Variants in SLAMF8 observed in about 807,000 individuals in gnomAD.
The protein encoded by SLAMF8 is B lymphocyte activator macrophage expressed.
A neutral mutation model predicts 29.0 loss-of-function variants in SLAMF8; 23 were observed. That is an observed-to-expected ratio of 0.79 (90% CI 0.57 to 1.13). SLAMF8 has a LOEUF of 1.13. Among genes scored for constraint, SLAMF8 ranks in the 50% most tolerant of loss-of-function variants. The probability of loss-of-function intolerance (pLI) is 0.00; values close to 1 mark genes in which losing one functional copy is unlikely to be tolerated. For synonymous variants in SLAMF8, 139 were observed against 145.6 expected, an observed-to-expected ratio of 0.96 and a Z score of 0.32; for missense variants, 381 against 353.1, an observed-to-expected ratio of 1.08 and a Z score of -0.63.
intron 1 of SLAMF8, among the ~76,000 whole-genome samples, chr1:159,828,210 G>A (rs12058565): frequency 1.3e-5 from 2 of 152,206 alleles, no homozygotes; most frequent in African/African-American, 4.8e-5. Flanking sequence ...TTATTTTTCA[G>A]TGGTACTGAA....
Position 159,835,823 on chromosome 1 carries a change from C to G in SLAMF8, c.*563C>G. The G allele has an allele frequency of 1.0e-6, 1 of 985,524 alleles. No homozygotes were observed. The highest frequency in any genetic ancestry group is 1.2e-6 in the Non-Finnish European group (1 of 830,034). The allele number at this position is 985,524 out of a possible 1,614,324, so 61.0% of individuals were successfully genotyped here. A position where few individuals can be genotyped will look rare whatever the true frequency, so the allele number is the denominator to read the frequency against. Reference sequence around the variant, plus strand: ...ATAGGTGAAAGTGAGAGGTGGGGGACAGGGGTTTCTCTTTCTGGCCTAAGG... The same window carrying G: ...ATAGGTGAAAGTGAGAGGTGGGGGAGAGGGGTTTCTCTTTCTGGCCTAAGG... On this transcript the variant is annotated 3_prime_UTR_variant, in exon 5 of 5. Transcript: ENST00000289707.
Position 159,836,730 on chromosome 1 carries a change from T to A in SLAMF8, c.*1470T>A, listed in dbSNP as rs1259421430. On this transcript the variant is annotated 3_prime_UTR_variant, in exon 5 of 5. Coordinates refer to ENST00000289707, the MANE Select transcript of SLAMF8 (RefSeq NM_020125.3). Reference sequence around the variant, plus strand: ...AGCACAGCTGGCCTCCAGATCCACATCACCACTCTTCCACTCGATTGTTCC... The same window carrying A: ...AGCACAGCTGGCCTCCAGATCCACAACACCACTCTTCCACTCGATTGTTCC... The A allele has an allele frequency of 3.0e-6, 3 of 985,462 alleles. No homozygotes were observed. The African/African-American group carries it at 5.2e-5, about 17-fold the overall frequency. The allele number at this position is 985,462 out of a possible 1,614,324, so 61.0% of individuals were successfully genotyped here.
rs1647980258 is a variant in SLAMF8 at position 159,836,878 on chromosome 1, G to T, written c.*1618G>T. 4 of 985,410 alleles carry T rather than the reference G, an allele frequency of 4.1e-6. No individual in the cohort carries two copies. The highest frequency in any genetic ancestry group is 5.2e-4 in the Middle Eastern group (1 of 1,914). The allele number at this position is 985,410 out of a possible 1,614,324, so 61.0% of individuals were successfully genotyped here. The stretch of plus-strand genomic sequence containing the variant: ...CTTCCCCCAAGATTACCTGAACAGG[G>T]TCCATGGCCACTCAACCTGTCAGCT... On this transcript the variant is annotated 3_prime_UTR_variant, in exon 5 of 5. Transcript: ENST00000289707.
intron 2 of SLAMF8, among the ~76,000 whole-genome samples, chr1:159,830,605 T>C (rs185447450): frequency 3.8e-4 from 58 of 152,304 alleles, no homozygotes; most frequent in Non-Finnish European, 5.7e-4. Context: ...AGGATCATCA[T>C]AGACTATAAG....
chr1:159,829,492 C>A (rs1647314845), intron 1 of SLAMF8, among the ~76,000 whole-genome samples: 1 of 152,206 alleles, frequency 6.6e-6, no homozygotes, highest in African/African-American at 2.4e-5. Context: ...CTCGGCTTGG[C>A]CTGGCTGATT....
Position 159,837,025 on chromosome 1 carries a change from T to G in SLAMF8, c.*1765T>G. 1 of 985,454 alleles carries G rather than the reference T, an allele frequency of 1.0e-6. No individual in the cohort carries two copies. The highest frequency in any genetic ancestry group is 1.2e-6 in the Non-Finnish European group (1 of 829,942). 61.0% of individuals were successfully genotyped at this position (985,454 alleles called of 1,614,324 possible). A position where few individuals can be genotyped will look rare whatever the true frequency, so the allele number is the denominator to read the frequency against. ...AAGCCCAGGATCTGACAATGAGCCC[T>G]GGTGGATTTGTGGGGAAAAAATACA... On this transcript the variant is annotated 3_prime_UTR_variant, in exon 5 of 5. Transcript: ENST00000289707.
intron 2 of SLAMF8, among the ~76,000 whole-genome samples, chr1:159,831,781 G>A (rs568412701): frequency 6.6e-6 from 1 of 152,216 alleles, no homozygotes; most frequent in African/African-American, 2.4e-5. Context: ...AGATAAGAAC[G>A]ATTTGAATTA....
Position 159,833,039 on chromosome 1 carries a change from C to T in SLAMF8, c.531C>T (p.His177=). 6.2e-7 allele frequency: 1 copy of T among 1,614,242 alleles called. No individual in the cohort carries two copies. Among genetic ancestry groups the T allele is most frequent in the Non-Finnish European group, 8.5e-7 (1 of 1,180,038 alleles). Residue 177 remains histidine, a synonymous_variant, in exon 3 of 5, where the codon CAC becomes CAT. Transcript: ENST00000289707. ...CCATGGACTTTGGTATGGAACCACACAGCCTCTTCACAGACGGACAGGTGC... is the reference window on the plus strand; with the variant it reads ...CCATGGACTTTGGTATGGAACCACATAGCCTCTTCACAGACGGACAGGTGC... ...ETTMDFGMEP[H]SLFTDGQVLS...
At position 159,837,255 on chromosome 1, in the gene SLAMF8, T is replaced by C. The variant is rs562629124; in HGVS notation, c.*1995T>C. 135 of 985,468 alleles carry C rather than the reference T, an allele frequency of 1.4e-4. 3 individuals carry two copies. In the South Asian group the frequency reaches 5.9e-3, roughly 43 times the overall value. 61.0% of individuals were successfully genotyped at this position (985,468 alleles called of 1,614,324 possible). A position where few individuals can be genotyped will look rare whatever the true frequency, so the allele number is the denominator to read the frequency against. ...AAAGTTCCCATCCTTAATGACTCAC[T>C]TGTCAACTAGTGGACTAATTAACCC... is the stretch of plus-strand genomic sequence containing the variant. On this transcript the variant is annotated 3_prime_UTR_variant, in exon 5 of 5. Coordinates refer to ENST00000289707, the MANE Select transcript of SLAMF8 (RefSeq NM_020125.3).
chr1:159,831,573 CA>C (rs1647490668), intron 2 of SLAMF8, among the ~76,000 whole-genome samples: 1 of 152,064 alleles, frequency 6.6e-6, no homozygotes, highest in African/African-American at 2.4e-5. Flanking sequence ...TCAGCTGCCG[CA>C]CATGTGAAAT....
At chr1:159,830,215 G>C (rs1647396677) in intron 2 of SLAMF8, 23 bp downstream of exon 2, 4 of 1,544,092 alleles carry the variant, frequency 2.6e-6, no homozygotes, top group Non-Finnish European at 3.5e-6. Flanking sequence ...GACACTGGCT[G>C]CCTGGCCCTC....
intron 2 of SLAMF8, 76 bp downstream of exon 2, chr1:159,830,268 C>T: frequency 7.0e-7 from 1 of 1,426,868 alleles, no homozygotes; most frequent in Non-Finnish European, 9.3e-7. Flanking sequence ...GTCATAGCAG[C>T]CAGGGAGAGC....
Position 159,836,421 on chromosome 1 carries a change from T to C in SLAMF8, c.*1161T>C, listed in dbSNP as rs2101805870. The C allele has an allele frequency of 1.0e-6, 1 of 985,448 alleles. No homozygotes were observed. Among genetic ancestry groups the C allele is most frequent in the East Asian group, 1.1e-4 (1 of 8,816 alleles). 61.0% of individuals were successfully genotyped at this position (985,448 alleles called of 1,614,324 possible). On this transcript the variant is annotated 3_prime_UTR_variant, in exon 5 of 5. Transcript: ENST00000289707. Reference sequence around the variant, plus strand: ...TCTGTCTAGAAAAGCTCTGGAGTATTGATCACTACTGGAAAAACACTTAAG... The same window carrying C: ...TCTGTCTAGAAAAGCTCTGGAGTATCGATCACTACTGGAAAAACACTTAAG...
rs1259280529 is a variant in SLAMF8, at chr1:159,829,931, G to A, written c.106G>A (p.Val36Met). ...CAAAGTCGGGGGCTCGGTGCTGCTG[G>A]TGGCAGCGCGTCCCCCTGGCTTCCA... ...LSKVGGSVLL[V>M]AARPPGFQVR... Residue 36 changes from valine (V) to methionine (M), a missense_variant, in exon 2 of 5, where the codon GTG becomes ATG. Val to Met is a conservative substitution (Grantham distance 21). Coordinates refer to ENST00000289707, the MANE Select transcript of SLAMF8 (RefSeq NM_020125.3). The A allele has an allele frequency of 1.2e-6, 2 of 1,614,252 alleles. No individual in the cohort carries two copies. Among genetic ancestry groups the A allele is most frequent in the South Asian group, 1.1e-5 (1 of 91,092 alleles).
At chr1:159,830,913 G>T (rs1336681085) in intron 2 of SLAMF8, among the ~76,000 whole-genome samples, 1 of 152,144 alleles carries the variant, frequency 6.6e-6, no homozygotes, top group African/African-American at 2.4e-5. Flanking sequence ...TAATTCCGTG[G>T]GTTGGCAGGC....
At chr1:159,831,046 TCCACCTCCACCACAG>T (rs1647452321) in intron 2 of SLAMF8, among the ~76,000 whole-genome samples, 1 of 152,156 alleles carries the variant, frequency 6.6e-6, no homozygotes, top group Non-Finnish European at 1.5e-5. Context: ...CAACTCCACC[TCCACCTCCACCACAG>T]CCACCTCCAC....
rs201277525 is a variant in SLAMF8, at chr1:159,834,203, A to G, written c.781+834A>G. ...GGAGCTGGCTTGTCCCAAGGTGGAG[A>G]AAGGGAGTCAGCAAGGAGGAGTCAC... is the stretch of plus-strand genomic sequence containing the variant. On this transcript the variant is annotated intron_variant, in intron 4 of 4. Coordinates refer to ENST00000289707, the MANE Select transcript of SLAMF8 (RefSeq NM_020125.3). 4.6e-5 allele frequency among the ~76,000 whole-genome samples: 7 copies of G among 152,178 alleles called. No individual in the cohort carries two copies. The East Asian group carries it at 1.4e-3, about 29-fold the overall frequency.
chr1:159,830,232 C>A (rs374458004), intron 2 of SLAMF8, 40 bp downstream of exon 2: 1,068 of 1,524,104 alleles, frequency 7.0e-4, no homozygotes, highest in Non-Finnish European at 8.9e-4. Context: ...CCTCTTCCCC[C>A]ACAAAGCACC....
chr1:159,836,431 T>C lies in SLAMF8; in HGVS notation c.*1171T>C. On this transcript the variant is annotated 3_prime_UTR_variant, in exon 5 of 5. Coordinates refer to ENST00000289707, the MANE Select transcript of SLAMF8 (RefSeq NM_020125.3). ...AAAGCTCTGGAGTATTGATCACTAC[T>C]GGAAAAACACTTAAGGAGCTAAACT... The C allele has an allele frequency of 1.0e-6, 1 of 985,446 alleles. No individual in the cohort carries two copies. Among genetic ancestry groups the C allele is most frequent in the South Asian group, 4.7e-5 (1 of 21,290 alleles). 61.0% of individuals were successfully genotyped at this position (985,446 alleles called of 1,614,324 possible).
Sources: allele counts gnomAD v4.1 joint callset (sites outside exome capture counted in the v4.1 genomes callset), GRCh38; gene constraint gnomAD v4.1.1; transcripts MANE v1.5; gene names NCBI Gene and HGNC (gene_info 2026-07-23, HGNC 2026-07-21).